LRRC7: variants seen among roughly 807,000 people sequenced by gnomAD.
The protein encoded by LRRC7 is leucine-rich repeat-containing protein 7.
LRRC7 carries 23 observed loss-of-function variants against 175.7 expected under a neutral mutation model. That is an observed-to-expected ratio of 0.13 (90% CI 0.09 to 0.19). The LOEUF (loss-of-function observed/expected upper bound fraction) is 0.19. Ranked by LOEUF, LRRC7 falls within the 10% of genes least tolerant of loss-of-function variation. The pLI, the probability that LRRC7 is intolerant of heterozygous loss-of-function variation, is 1.00. For missense variants in LRRC7, 1,354 were observed against 1,904.7 expected (o/e 0.71, Z 5.38); for synonymous variants, 685 against 680.9 (o/e 1.01, Z -0.09).
intron 3 of LRRC7, among the ~76,000 whole-genome samples, chr1:69,768,054 C>T (rs949540479): frequency 6.6e-6 from 1 of 152,084 alleles, no homozygotes; most frequent in South Asian, 2.1e-4. Flanking sequence ...GCTGAAACAC[C>T]GATCATTCAA....
chr1:70,081,082 C>T (rs1558052996), intron 24 of LRRC7, among the ~76,000 whole-genome samples: 1 of 152,324 alleles, frequency 6.6e-6, no homozygotes, highest in Non-Finnish European at 1.5e-5. Context: ...CCCAGATAAA[C>T]TGATTTTAAT....
intron 1 of LRRC7, among the ~76,000 whole-genome samples, chr1:69,605,200 T>C (rs1235139607): frequency 6.6e-6 from 1 of 152,162 alleles, no homozygotes; most frequent in Non-Finnish European, 1.5e-5. Context: ...TCAGGAGATC[T>C]GATGGTTTTA....
At chr1:69,809,308 G>A (rs751832847) in intron 4 of LRRC7, among the ~76,000 whole-genome samples, 64 of 152,028 alleles carry the variant, frequency 4.2e-4, no homozygotes, top group Non-Finnish European at 8.1e-4. Flanking sequence ...AAAAAGTCCC[G>A]GACTAAAAGG....
chr1:69,605,681 G>C (rs559945304), intron 1 of LRRC7, among the ~76,000 whole-genome samples: 80 of 152,108 alleles, frequency 5.3e-4, no homozygotes, highest in Non-Finnish European at 7.4e-5. Flanking sequence ...CTGGAGCACA[G>C]TTCCTAGAAA....
chr1:69,933,811 T>A (rs888367302), intron 8 of LRRC7, among the ~76,000 whole-genome samples: 19 of 152,204 alleles, frequency 1.2e-4, no homozygotes, highest in African/African-American at 4.6e-4. Flanking sequence ...AAGTAAATTT[T>A]AAATTATTTT....
intron 2 of LRRC7, among the ~76,000 whole-genome samples, chr1:69,694,456 C>CG (rs1662298926): frequency 6.6e-6 from 1 of 152,170 alleles, no homozygotes; most frequent in Non-Finnish European, 1.5e-5. Context: ...TCATTCCAGA[C>CG]ATTCCACACT....
chr1:69,954,845 A>C (rs561938266), intron 8 of LRRC7, among the ~76,000 whole-genome samples: 114 of 152,180 alleles, frequency 7.5e-4, no homozygotes, highest in Non-Finnish European at 1.2e-3. Flanking sequence ...TAATTAATTC[A>C]CTTGGGCATT....
At position 69,628,472 on chromosome 1, in the gene LRRC7, T is replaced by A. The variant is rs552206073; in HGVS notation, c.3-49909T>A. ...AACTGCAAAACTGTGATAAAAGAAA[T>A]CAAATAACTAAGTAAACTCAGAGAT... On this transcript the variant is annotated intron_variant, in intron 1 of 26. Coordinates refer to ENST00000651989, the MANE Select transcript of LRRC7 (RefSeq NM_001370785.2). Among the ~76,000 whole-genome samples, 17 of 152,242 alleles carry A rather than the reference T, an allele frequency of 1.1e-4. No homozygotes were observed. The South Asian group carries it at 3.5e-3, about 32-fold the overall frequency.
intron 7 of LRRC7, among the ~76,000 whole-genome samples, chr1:69,861,745 G>C (rs1348263840): frequency 6.6e-6 from 1 of 152,174 alleles, no homozygotes; most frequent in Non-Finnish European, 1.5e-5. Flanking sequence ...TGACAGAAAA[G>C]GCTAATGGAG....
chr1:69,641,066 T>A (rs1654124925), intron 1 of LRRC7, among the ~76,000 whole-genome samples: 1 of 151,740 alleles, frequency 6.6e-6, no homozygotes, highest in South Asian at 2.1e-4. Context: ...GGACATTTTA[T>A]GACAAGACAT....
chr1:69,585,918 T>C (rs1334092600), intron 1 of LRRC7, among the ~76,000 whole-genome samples: 1 of 152,228 alleles, frequency 6.6e-6, no homozygotes, highest in Non-Finnish European at 1.5e-5. Flanking sequence ...AAGAGACTGC[T>C]TTTGCTTCTT....
At chr1:69,743,137 T>A (rs1668887172) in intron 2 of LRRC7, among the ~76,000 whole-genome samples, 1 of 151,992 alleles carries the variant, frequency 6.6e-6, no homozygotes, top group Admixed American at 6.6e-5. Flanking sequence ...ACCAGCTGGC[T>A]AGGAATGGCT....
At chr1:69,776,019 G>C (rs537067821) in intron 3 of LRRC7, among the ~76,000 whole-genome samples, 1 of 152,186 alleles carries the variant, frequency 6.6e-6, no homozygotes, top group East Asian at 1.9e-4. Context: ...TAATTACAGA[G>C]ACAAAGAGCA....
At chr1:70,034,585 T>A (rs1000710463) in intron 18 of LRRC7, among the ~76,000 whole-genome samples, 1 of 152,174 alleles carries the variant, frequency 6.6e-6, no homozygotes. Flanking sequence ...TACCTCATTT[T>A]AAGTTCTTTG....
chr1:69,838,086 C>G, intron 6 of LRRC7, 141 bp from the exon 7 acceptor site: 1 of 542,166 alleles, frequency 1.8e-6, no homozygotes, highest in Non-Finnish European at 3.3e-6. Context: ...AGAAATATTC[C>G]AATTCTACTT....
At chr1:69,663,700 ATTTTTTTTTTTTTTTTTT>A (rs552339451) in intron 1 of LRRC7, among the ~76,000 whole-genome samples, 3 of 67,726 alleles carry the variant, frequency 4.4e-5, no homozygotes, top group African/African-American at 2.0e-4. Context: ...AATCGTTTTA[ATTTTTTTTTTTTTTTTTT>A]TTTTTTTTTT....
intron 7 of LRRC7, among the ~76,000 whole-genome samples, chr1:69,870,875 T>A (rs1425591732): frequency 6.6e-6 from 1 of 152,124 alleles, no homozygotes; most frequent in Non-Finnish European, 1.5e-5. Context: ...AACAAAATAT[T>A]TGAAAATGTT....
intron 2 of LRRC7, among the ~76,000 whole-genome samples, chr1:69,687,104 G>A (rs1215156147): frequency 6.6e-6 from 1 of 152,082 alleles, no homozygotes; most frequent in Non-Finnish European, 1.5e-5. Context: ...TGTTTCATTA[G>A]CTTTGCTGTA....
At chr1:69,925,720 A>G (rs1263872657) in intron 7 of LRRC7, among the ~76,000 whole-genome samples, 1 of 152,014 alleles carries the variant, frequency 6.6e-6, no homozygotes, top group Admixed American at 6.6e-5. Context: ...CTAGCGGTCT[A>G]TCAATTTTGT....
Sources: gnomAD v4.1 joint callset for allele counts (sites outside exome capture counted in the v4.1 genomes callset) on GRCh38, gnomAD v4.1.1 for gene constraint, MANE v1.5 for transcripts, NCBI Gene and HGNC (gene_info 2026-07-23, HGNC 2026-07-21) for gene names.